Variants in IGF2BP3 observed in about 807,000 individuals in gnomAD.
IGF2BP3 encodes the protein insulin-like growth factor 2 mRNA-binding protein 3.
Under a neutral mutation model 73.8 loss-of-function variants are expected in IGF2BP3, and 9 were observed. That is an observed-to-expected ratio of 0.12 (90% CI 0.07 to 0.21). IGF2BP3 has a LOEUF of 0.21. Ranked by LOEUF, IGF2BP3 falls within the 10% of genes least tolerant of loss-of-function variation. The pLI is 1.00. For synonymous variants in IGF2BP3, 258 were observed against 256.7 expected (o/e 1.01, Z -0.05); for missense variants, 542 against 714.0 (o/e 0.76, Z 2.75).
At chr7:23,405,573 A>C (rs1786801240) in intron 3 of IGF2BP3, among the ~76,000 whole-genome samples, 1 of 152,216 alleles carries the variant, frequency 6.6e-6, no homozygotes, top group Non-Finnish European at 1.5e-5. Flanking sequence ...GGAGGTGAGC[A>C]GGCTTAAATG....
At chr7:23,423,348 T>G (rs1018730986) in intron 2 of IGF2BP3, among the ~76,000 whole-genome samples, 2 of 152,242 alleles carry the variant, frequency 1.3e-5, no homozygotes, top group Non-Finnish European at 2.9e-5. Context: ...TTTGGTCATG[T>G]TCCATCTGAG....
At chr7:23,392,899 G>C (rs1035895383) in intron 3 of IGF2BP3, among the ~76,000 whole-genome samples, 10 of 152,120 alleles carry the variant, frequency 6.6e-5, no homozygotes, top group African/African-American at 2.4e-4. Context: ...TCAAAGTACT[G>C]TGATTACAGG....
At chr7:23,468,924 G>C (rs1472062374) in intron 1 of IGF2BP3, among the ~76,000 whole-genome samples, 1 of 152,206 alleles carries the variant, frequency 6.6e-6, no homozygotes, top group Non-Finnish European at 1.5e-5. Flanking sequence ...TTCTTCAGGA[G>C]GGGGCGCCCT....
intron 2 of IGF2BP3, among the ~76,000 whole-genome samples, chr7:23,428,899 C>G (rs1787596539): frequency 6.6e-6 from 1 of 152,090 alleles, no homozygotes; most frequent in African/African-American, 2.4e-5. Flanking sequence ...CTCAAATTGT[C>G]CCATCTTTGG....
chr7:23,347,747 G>A lies in IGF2BP3; in HGVS notation c.684-13C>T, dbSNP rs573484529. 3.8e-5 allele frequency: 62 copies of A among 1,613,796 alleles called. No homozygotes were observed. In the East Asian group the frequency reaches 6.5e-4, roughly 17 times the overall value. On this transcript the variant is annotated splice_polypyrimidine_tract_variant and intron_variant, in intron 6 of 14. Coordinates refer to ENST00000258729, the MANE Select transcript of IGF2BP3 (RefSeq NM_006547.3). ...GTGGACATCGATTCTGATAGTGGGC[G>A]CAAGCAGAGAGGAAAACGAGAGCAG... is the stretch of plus-strand genomic sequence containing the variant.
chr7:23,439,773 A>T (rs1052820784), intron 2 of IGF2BP3, among the ~76,000 whole-genome samples: 1 of 152,104 alleles, frequency 6.6e-6, no homozygotes, highest in Admixed American at 6.5e-5. Flanking sequence ...AAAACATTTA[A>T]CATAAACAAA....
At chr7:23,385,431 T>C (rs1786051351) in intron 3 of IGF2BP3, among the ~76,000 whole-genome samples, 1 of 152,164 alleles carries the variant, frequency 6.6e-6, no homozygotes, top group Non-Finnish European at 1.5e-5. Context: ...AAATTCAAAT[T>C]AGTATGAGAC....
chr7:23,383,025 C>T (rs1280528801), intron 3 of IGF2BP3, among the ~76,000 whole-genome samples: 4 of 151,820 alleles, frequency 2.6e-5, no homozygotes, highest in Admixed American at 6.6e-5. Context: ...TATGATGGCG[C>T]CATTGCACTC....
At chr7:23,429,081 C>A (rs1787601494) in intron 2 of IGF2BP3, among the ~76,000 whole-genome samples, 2 of 152,124 alleles carry the variant, frequency 1.3e-5, no homozygotes, top group African/African-American at 4.8e-5. Flanking sequence ...CCCTTTTAGT[C>A]AGAAAAAGTA....
chr7:23,364,448 C>T (rs574859518), intron 3 of IGF2BP3, among the ~76,000 whole-genome samples: 151 of 148,750 alleles, frequency 1.0e-3, no homozygotes, highest in African/African-American at 3.4e-3. Context: ...CTTGGGAGGC[C>T]GAGGCAAGAG....
chr7:23,320,964 A>G (rs796227281), intron 10 of IGF2BP3, among the ~76,000 whole-genome samples: 16 of 144,466 alleles, frequency 1.1e-4, no homozygotes, highest in African/African-American at 3.1e-4. Flanking sequence ...AAAAAAAAAA[A>G]AAAAAGAAAA....
intron 2 of IGF2BP3, among the ~76,000 whole-genome samples, chr7:23,466,293 G>T (rs917955294): frequency 5.9e-5 from 9 of 152,208 alleles, no homozygotes; most frequent in Admixed American, 2.6e-4. Context: ...AAAGTGCTGG[G>T]ATTACAGGCG....
intron 2 of IGF2BP3, among the ~76,000 whole-genome samples, chr7:23,458,547 C>T (rs922659151): frequency 1.3e-5 from 2 of 152,096 alleles, no homozygotes; most frequent in African/African-American, 4.8e-5. Context: ...CCAGGAACCA[C>T]AATCAGCCTC....
At chr7:23,329,479 A>C (rs1784389831) in intron 10 of IGF2BP3, among the ~76,000 whole-genome samples, 1 of 152,324 alleles carries the variant, frequency 6.6e-6, no homozygotes, top group African/African-American at 2.4e-5. Flanking sequence ...TTAGAAGTAG[A>C]ACTGCTGAGT....
chr7:23,449,582 A>T (rs1351223014), intron 2 of IGF2BP3, among the ~76,000 whole-genome samples: 1 of 116,596 alleles, frequency 8.6e-6, no homozygotes. Flanking sequence ...TTTTTGAGAG[A>T]GTCTCACTCT....
At chr7:23,397,590 G>A (rs1178839128) in intron 3 of IGF2BP3, among the ~76,000 whole-genome samples, 2 of 152,126 alleles carry the variant, frequency 1.3e-5, no homozygotes, top group South Asian at 2.1e-4. Context: ...CTTCTATCTT[G>A]TCATCTCATA....
Position 23,432,313 on chromosome 7 carries a change from A to G in IGF2BP3, c.237-13489T>C, listed in dbSNP as rs2128542330. On this transcript the variant is annotated intron_variant, in intron 2 of 14. Transcript: ENST00000258729. ...TGTTTGCTTGCATTTACACACTGCT[A>G]TGTCTTTCTTTTAGAAGATTAAATG... Among the ~76,000 whole-genome samples the G allele has an allele frequency of 3.3e-5, 5 of 152,324 alleles. No individual in the cohort carries two copies. In the East Asian group the frequency reaches 5.8e-4, roughly 18 times the overall value.
chr7:23,354,375 C>T (rs956640222), intron 5 of IGF2BP3, among the ~76,000 whole-genome samples: 2 of 152,186 alleles, frequency 1.3e-5, no homozygotes, highest in African/African-American at 4.8e-5. Flanking sequence ...CTGAAGGCAT[C>T]AATTACATCT....
At chr7:23,388,401 G>A (rs449672) in intron 3 of IGF2BP3, among the ~76,000 whole-genome samples, 27,111 of 151,990 alleles carry the variant, frequency 0.18, 6,124 homozygotes, top group African/African-American at 0.53. Context: ...TGAACAGGAG[G>A]AAAAAACCAA....
Sources: allele counts gnomAD v4.1 joint callset (sites outside exome capture counted in the v4.1 genomes callset), GRCh38; gene constraint gnomAD v4.1.1; transcripts MANE v1.5; gene names NCBI Gene and HGNC (gene_info 2026-07-23, HGNC 2026-07-21).